SMARCAD1: variants seen among roughly 807,000 people sequenced by gnomAD.
SMARCAD1 encodes the protein SWI/SNF-related matrix-associated actin-dependent regulator of chromatin subfamily A containing DEAD/H box 1.
Under a neutral mutation model 127.1 loss-of-function variants are expected in SMARCAD1, and 25 were observed. The ratio of observed to expected loss-of-function variants is 0.20; its 90% CI spans 0.14 to 0.27. The LOEUF is 0.27. Ranked by LOEUF, SMARCAD1 falls within the 10% of genes least tolerant of loss-of-function variation. The pLI is 1.00. For synonymous variants in SMARCAD1, 400 were observed against 396.9 expected (o/e 1.01, Z -0.09); for missense variants, 807 against 1,206.0 (o/e 0.67, Z 4.90).
At chr4:94,251,779 A>T (rs1749308250) in intron 8 of SMARCAD1, among the ~76,000 whole-genome samples, 1 of 152,252 alleles carries the variant, frequency 6.6e-6, no homozygotes, top group South Asian at 2.1e-4. Context: ...CAGGCATCTT[A>T]GAATTCTGTA....
At chr4:94,247,554 C>T (rs1272393436) in intron 6 of SMARCAD1, among the ~76,000 whole-genome samples, 1 of 152,066 alleles carries the variant, frequency 6.6e-6, no homozygotes, top group Non-Finnish European at 1.5e-5. Flanking sequence ...ATAAAATTAA[C>T]CATTTTAGAG....
At chr4:94,270,395 A>G (rs1752386710) in intron 10 of SMARCAD1, among the ~76,000 whole-genome samples, 3 of 152,072 alleles carry the variant, frequency 2.0e-5, no homozygotes, top group African/African-American at 2.4e-5. Context: ...ACACAATTCA[A>G]TTTTCTATTA....
At chr4:94,243,623 G>C (rs1008207522) in intron 6 of SMARCAD1, among the ~76,000 whole-genome samples, 1 of 152,114 alleles carries the variant, frequency 6.6e-6, no homozygotes, top group African/African-American at 2.4e-5. Context: ...ATTAGAGAAC[G>C]ATTTGAGCAT....
intron 6 of SMARCAD1, among the ~76,000 whole-genome samples, chr4:94,243,994 T>C (rs1012387022): frequency 2.6e-5 from 4 of 152,046 alleles, no homozygotes; most frequent in South Asian, 4.1e-4. Context: ...GCAACAGATA[T>C]AAAGGAATCC....
At chr4:94,220,823 GC>G (rs1469424193) in intron 2 of SMARCAD1, among the ~76,000 whole-genome samples, 1 of 152,182 alleles carries the variant, frequency 6.6e-6, no homozygotes, top group African/African-American at 2.4e-5. Context: ...GACTCTTGAA[GC>G]AGTAAAAATT....
intron 2 of SMARCAD1, chr4:94,212,938 C>T: frequency 3.1e-5 from 17 of 542,100 alleles, no homozygotes; most frequent in South Asian, 2.4e-4. Flanking sequence ...TAACCTCTGC[C>T]CCCTGATTTA....
At chr4:94,208,874 G>T (rs183993) in intron 2 of SMARCAD1, among the ~76,000 whole-genome samples, 1,909 of 152,094 alleles carry the variant, frequency 0.013, 19 homozygotes, top group South Asian at 0.025. Context: ...TTGGAAGAGC[G>T]ATGTCAGTGA....
At chr4:94,246,879 T>A (rs546578975) in intron 6 of SMARCAD1, among the ~76,000 whole-genome samples, 1 of 152,308 alleles carries the variant, frequency 6.6e-6, no homozygotes, top group Admixed American at 6.5e-5. Flanking sequence ...TTCTGTTTGA[T>A]CTAATTGGGA....
intron 6 of SMARCAD1, among the ~76,000 whole-genome samples, chr4:94,242,364 T>A (rs535552918): frequency 1.3e-5 from 2 of 152,042 alleles, no homozygotes; most frequent in Admixed American, 6.5e-5. Context: ...GAATAACTTA[T>A]ATTCTGAGAT....
chr4:94,232,836 T>TACCC (rs1553915128), intron 3 of SMARCAD1, among the ~76,000 whole-genome samples: 1 of 151,314 alleles, frequency 6.6e-6, no homozygotes, highest in Non-Finnish European at 1.5e-5. Flanking sequence ...AACACAAAAA[T>TACCC]AGGTGTGGTG....
intron 2 of SMARCAD1, 132 bp downstream of exon 2, chr4:94,208,716 A>G (rs1578958145): frequency 2.2e-6 from 2 of 897,618 alleles, no homozygotes; most frequent in East Asian, 5.3e-5. Flanking sequence ...CCTTTTAAAT[A>G]CAGCTTTGGG....
At chr4:94,244,486 C>A (rs527805339) in intron 6 of SMARCAD1, among the ~76,000 whole-genome samples, 34 of 152,194 alleles carry the variant, frequency 2.2e-4, no homozygotes, top group African/African-American at 7.9e-4. Flanking sequence ...CTCGAATAAC[C>A]CAAATATGAA....
At chr4:94,220,443 TCAC>T (rs1263013887) in intron 2 of SMARCAD1, among the ~76,000 whole-genome samples, 3 of 152,126 alleles carry the variant, frequency 2.0e-5, no homozygotes, top group Non-Finnish European at 4.4e-5. Context: ...ACACAGGGTT[TCAC>T]CACATTAGCC....
At chr4:94,225,887 A>G (rs1056713860) in intron 2 of SMARCAD1, among the ~76,000 whole-genome samples, 5 of 152,192 alleles carry the variant, frequency 3.3e-5, no homozygotes, top group Non-Finnish European at 7.4e-5. Context: ...ACACAAACCT[A>G]TGTTATTTTG....
chr4:94,234,519 C>G (rs965199011), intron 4 of SMARCAD1, among the ~76,000 whole-genome samples: 1 of 152,168 alleles, frequency 6.6e-6, no homozygotes, highest in African/African-American at 2.4e-5. Context: ...CCCTGCAGTA[C>G]TAAGGACAGT....
At chr4:94,212,071 A>T (rs1405889035) in intron 2 of SMARCAD1, among the ~76,000 whole-genome samples, 1 of 152,252 alleles carries the variant, frequency 6.6e-6, no homozygotes, top group Non-Finnish European at 1.5e-5. Context: ...TCCATTGTTC[A>T]GGGCAACGAC....
chr4:94,249,928 T>G (rs538351168), intron 7 of SMARCAD1, among the ~76,000 whole-genome samples, 173 bp downstream of exon 7: 11 of 152,112 alleles, frequency 7.2e-5, no homozygotes, highest in East Asian at 1.9e-4. Flanking sequence ...TTATGTTGTT[T>G]ATTTACCTTG....
intron 11 of SMARCAD1, among the ~76,000 whole-genome samples, chr4:94,271,479 A>G (rs1341006294): frequency 1.3e-5 from 2 of 152,210 alleles, no homozygotes; most frequent in Non-Finnish European, 2.9e-5. Flanking sequence ...AAAATGAGTC[A>G]TGTTCAGCAA....
At chr4:94,265,249 T>TA (rs36044219) in intron 10 of SMARCAD1, among the ~76,000 whole-genome samples, 1 of 151,930 alleles carries the variant, frequency 6.6e-6, no homozygotes, top group African/African-American at 2.4e-5. Flanking sequence ...TTTGATATCC[T>TA]AAAAAAAGTC....
Sources: allele counts gnomAD v4.1 joint callset (sites outside exome capture counted in the v4.1 genomes callset), GRCh38; gene constraint gnomAD v4.1.1; transcripts MANE v1.5; gene names NCBI Gene and HGNC (gene_info 2026-07-23, HGNC 2026-07-21).